CDCP1: variants seen among roughly 807,000 people sequenced by gnomAD.
The protein encoded by CDCP1 is CUB domain-containing protein 1.
A neutral mutation model predicts 60.2 loss-of-function variants in CDCP1; 29 were observed. The ratio of observed to expected loss-of-function variants is 0.48; its 90% CI spans 0.36 to 0.66. CDCP1 has a LOEUF of 0.66. Among genes scored for constraint, CDCP1 ranks in the 30% least tolerant of loss-of-function variants. CDCP1 has a pLI of 0.00. For missense variants in CDCP1, 876 were observed against 1,074.3 expected (o/e 0.82, Z 2.58); for synonymous variants, 387 against 431.1 (o/e 0.90, Z 1.27).
At position 45,083,210 on chromosome 3, in the gene CDCP1, C is replaced by T. The variant is rs910353221; in HGVS notation, c.*2428G>A. ...CTTCAGTGAGGGAAGGAAGCCGCAG[C>T]CCTCCTTTGGCCCTTTATGCAGGGT... On this transcript the variant is annotated 3_prime_UTR_variant, in exon 9 of 9. Transcript: ENST00000296129. The T allele has an allele frequency of 6.6e-6, 1 of 152,206 alleles. No individual in the cohort carries two copies. The highest frequency in any genetic ancestry group is 2.4e-5 in the African/African-American group (1 of 41,452). 9.4% of individuals were successfully genotyped at this position (152,206 alleles called of 1,614,324 possible). A position where few individuals can be genotyped will look rare whatever the true frequency, so the allele number is the denominator to read the frequency against.
At chr3:45,087,359 C>G (rs1409212907) in intron 8 of CDCP1, among the ~76,000 whole-genome samples, 1 of 152,194 alleles carries the variant, frequency 6.6e-6, no homozygotes, top group African/African-American at 2.4e-5. Context: ...AGGCCTGTAG[C>G]AAGGCTGGAC....
In CDCP1 at chr3:45,112,212, T is replaced by C; in HGVS notation, c.526A>G (p.Thr176Ala). The C allele has an allele frequency of 6.2e-7, 1 of 1,614,116 alleles. No individual in the cohort carries two copies. The change falls in exon 3 of 9, where the codon ACC becomes GCC. Residue 176 changes from threonine (T) to alanine (A), a missense_variant. Thr to Ala is a moderately conservative substitution (Grantham distance 58). Transcript: ENST00000296129. Reference sequence around the variant, plus strand: ...GACACAGTGCCATTGCTGCAGAAGGTTCCGATCCTGACCACGGTGGCATCG... The same window carrying C: ...GACACAGTGCCATTGCTGCAGAAGGCTCCGATCCTGACCACGGTGGCATCG... Reference protein sequence around the residue: ...RIDATVVRIGTFCSNGTVSRI... With the variant: ...RIDATVVRIGAFCSNGTVSRI...
intron 7 of CDCP1, among the ~76,000 whole-genome samples, chr3:45,089,845 G>A (rs1030599181): frequency 2.6e-5 from 4 of 152,216 alleles, no homozygotes; most frequent in African/African-American, 9.6e-5. Context: ...GCAGAGGAGG[G>A]TAGGAGAAAG....
At chr3:45,118,084 T>TA (rs1423575257) in intron 2 of CDCP1, among the ~76,000 whole-genome samples, 1 of 152,220 alleles carries the variant, frequency 6.6e-6, no homozygotes, top group African/African-American at 2.4e-5. Flanking sequence ...CTGAAGAGCC[T>TA]ATGTGCACAG....
At chr3:45,094,749 T>G (rs1698365677) in intron 5 of CDCP1, among the ~76,000 whole-genome samples, 2 of 151,618 alleles carry the variant, frequency 1.3e-5, no homozygotes, top group East Asian at 1.9e-4. Context: ...GCTGGGGAAG[T>G]CTGAGCAAGA....
chr3:45,091,666 T>C lies in CDCP1; in HGVS notation c.1628-128A>G, dbSNP rs1261558097. ...TGTCTAACCGAACTTTCTGCGATGA[T>C]GGAAATCTTCTAGATCTGCACCATC... is the stretch of plus-strand genomic sequence containing the variant. On this transcript the variant is annotated intron_variant, in intron 6 of 8. Transcript: ENST00000296129. This position sits in a 1 kb window ranked among gnomAD's most constrained non-coding sequence, Gnocchi z 4.8. 5.1e-6 allele frequency: 6 copies of C among 1,173,552 alleles called. No homozygotes were observed. Among genetic ancestry groups the C allele is most frequent in the Non-Finnish European group, 5.8e-6 (5 of 859,836 alleles). The allele number at this position is 1,173,552 out of a possible 1,614,324, so 72.7% of individuals were successfully genotyped here. A position where few individuals can be genotyped will look rare whatever the true frequency, so the allele number is the denominator to read the frequency against.
chr3:45,133,821 C>T (rs1699146948), intron 1 of CDCP1, among the ~76,000 whole-genome samples: 1 of 151,940 alleles, frequency 6.6e-6, no homozygotes, highest in Non-Finnish European at 1.5e-5. Context: ...CTCTGAGTCC[C>T]CCAAACTCTT....
chr3:45,141,309 C>T (rs2126010530), intron 1 of CDCP1, among the ~76,000 whole-genome samples: 1 of 152,294 alleles, frequency 6.6e-6, no homozygotes, highest in South Asian at 2.1e-4. Flanking sequence ...TTGCAAACAA[C>T]CATGTAAATG....
intron 1 of CDCP1, among the ~76,000 whole-genome samples, chr3:45,136,989 G>C (rs1699201264): frequency 6.6e-6 from 1 of 152,246 alleles, no homozygotes; most frequent in African/African-American, 2.4e-5. Context: ...TGGTGAATTT[G>C]ATGGTATGTA....
chr3:45,092,670 G>GC (rs1698316090), intron 6 of CDCP1, among the ~76,000 whole-genome samples: 1 of 152,170 alleles, frequency 6.6e-6, no homozygotes, highest in Non-Finnish European at 1.5e-5. Context: ...TAATGTTCTT[G>GC]GAGCAACTTG....
intron 1 of CDCP1, among the ~76,000 whole-genome samples, chr3:45,126,209 T>TCCTA (rs1698996688): frequency 6.7e-6 from 1 of 148,406 alleles, no homozygotes; most frequent in East Asian, 2.0e-4. Flanking sequence ...TTTCTTTCCT[T>TCCTA]CCTTCCTTCT....
chr3:45,111,805 A>C (rs1383778654), intron 3 of CDCP1, among the ~76,000 whole-genome samples: 1 of 152,250 alleles, frequency 6.6e-6, no homozygotes, highest in African/African-American at 2.4e-5. Context: ...GAAATGAAGC[A>C]ATCAAGGTGG....
chr3:45,109,413 T>C (rs1052751077), intron 4 of CDCP1, among the ~76,000 whole-genome samples: 1 of 151,986 alleles, frequency 6.6e-6, no homozygotes, highest in African/African-American at 2.4e-5. Context: ...CCACTTAATT[T>C]TTCTGCCTGG....
At chr3:45,111,368 G>A (rs532311346) in intron 3 of CDCP1, among the ~76,000 whole-genome samples, 14 of 152,148 alleles carry the variant, frequency 9.2e-5, no homozygotes, top group Non-Finnish European at 2.1e-4. Flanking sequence ...CTCACAAAAT[G>A]CCTGAACACT....
chr3:45,090,766 A>G (rs1420066916), intron 7 of CDCP1, among the ~76,000 whole-genome samples: 1 of 152,150 alleles, frequency 6.6e-6, no homozygotes, highest in African/African-American at 2.4e-5. Context: ...CTGCCATGAA[A>G]ACAGCCCAGG....
At chr3:45,122,464 T>C (rs376011843) in intron 1 of CDCP1, among the ~76,000 whole-genome samples, 2 of 148,760 alleles carry the variant, frequency 1.3e-5, no homozygotes, top group East Asian at 2.0e-4. Context: ...ATAATCTCTT[T>C]TAGAAATTTT....
At chr3:45,115,661 A>G (rs1299868967) in intron 2 of CDCP1, among the ~76,000 whole-genome samples, 7 of 152,208 alleles carry the variant, frequency 4.6e-5, no homozygotes, top group South Asian at 2.1e-4. Context: ...TGATAAATTA[A>G]TATAGGGGAG....
intron 4 of CDCP1, among the ~76,000 whole-genome samples, chr3:45,107,252 G>A (rs1011004518): frequency 7.3e-5 from 11 of 151,702 alleles, no homozygotes; most frequent in African/African-American, 2.4e-4. Flanking sequence ...TGTTGCCCAG[G>A]CTGGAGTGCA....
chr3:45,101,779 G>A (rs148778237), intron 4 of CDCP1, among the ~76,000 whole-genome samples: 1,679 of 151,824 alleles, frequency 0.011, 31 homozygotes, highest in African/African-American at 0.038. Context: ...CTAGCTACTC[G>A]GGAGGCTGAG....
Sources: allele counts gnomAD v4.1 joint callset (sites outside exome capture counted in the v4.1 genomes callset), GRCh38; gene constraint gnomAD v4.1.1; non-coding constraint Gnocchi (gnomAD v3.1); transcripts MANE v1.5; gene names NCBI Gene and HGNC (gene_info 2026-07-23, HGNC 2026-07-21).